The following NRG4 variants were observed in gnomAD, a reference collection of about 807,000 sequenced individuals.
NRG4 encodes the protein pro-neuregulin-4, membrane-bound isoform.
NRG4 carries 10 observed loss-of-function variants against 15.0 expected under a neutral mutation model. That is an observed-to-expected ratio of 0.67 (90% CI 0.41 to 1.13). The LOEUF is 1.13. Among genes scored for constraint, NRG4 ranks in the 50% most tolerant of loss-of-function variants. NRG4 has a pLI of 0.00. For synonymous variants in NRG4, 41 were observed against 50.1 expected (o/e 0.82, Z 0.77); for missense variants, 139 against 140.2 (o/e 0.99, Z 0.04).
At chr15:75,995,769 A>T (rs1345000903) in intron 3 of NRG4, among the ~76,000 whole-genome samples, 1 of 152,232 alleles carries the variant, frequency 6.6e-6, no homozygotes, top group Non-Finnish European at 1.5e-5. Flanking sequence ...GCATTAACAT[A>T]TCTAAAGAAA....
intron 4 of NRG4, among the ~76,000 whole-genome samples, chr15:76,047,334 G>A (rs1301402010): frequency 6.6e-6 from 1 of 150,888 alleles, no homozygotes; most frequent in Non-Finnish European, 1.5e-5. Context: ...CGTCTATACT[G>A]CAGCACTATT....
intron 3 of NRG4, chr15:75,971,089 A>G (rs578249573): frequency 1.0e-5 from 3 of 290,706 alleles, no homozygotes; most frequent in East Asian, 2.1e-4. Context: ...TTTGTCCAGT[A>G]TAATAAAACA....
chr15:76,032,156 A>G (rs1323591641), intron 5 of NRG4, among the ~76,000 whole-genome samples: 2 of 152,218 alleles, frequency 1.3e-5, no homozygotes, highest in Non-Finnish European at 2.9e-5. Flanking sequence ...GAGTGTTCAA[A>G]TATCAGTAGA....
chr15:76,023,357 C>T (rs1333192640), intron 5 of NRG4, among the ~76,000 whole-genome samples: 2 of 152,102 alleles, frequency 1.3e-5, no homozygotes, highest in Admixed American at 6.5e-5. Flanking sequence ...CACTGTCTGC[C>T]ATGCCTGGAT....
intron 3 of NRG4, among the ~76,000 whole-genome samples, chr15:76,007,721 G>A (rs771832690): frequency 6.6e-6 from 1 of 152,058 alleles, no homozygotes; most frequent in South Asian, 2.1e-4. Flanking sequence ...GAGCCACCGC[G>A]CCCAACCTAA....
intron 3 of NRG4, among the ~76,000 whole-genome samples, chr15:75,985,849 A>T (rs2033781460): frequency 6.6e-6 from 1 of 152,240 alleles, no homozygotes; most frequent in South Asian, 2.1e-4. Flanking sequence ...CAAGAAAAAA[A>T]TCACAAGACA....
chr15:76,031,538 A>G (rs951454707), intron 5 of NRG4, among the ~76,000 whole-genome samples: 3 of 152,172 alleles, frequency 2.0e-5, no homozygotes, highest in African/African-American at 4.8e-5. Context: ...AATACAAAAT[A>G]AATCAGCCAG....
chr15:75,984,387 CA>C (rs1324169027), intron 3 of NRG4, among the ~76,000 whole-genome samples: 1 of 152,008 alleles, frequency 6.6e-6, no homozygotes, highest in Non-Finnish European at 1.5e-5. Flanking sequence ...AGAACCAACC[CA>C]AATGTCCATC....
At chr15:76,015,482 C>A (rs1186622291), upstream of NRG4, among the ~76,000 whole-genome samples, 3 of 152,168 alleles carry the variant, frequency 2.0e-5, no homozygotes, top group Admixed American at 2.0e-4. Context: ...GTGGGTTTGT[C>A]ATAAATAGCT....
At chr15:76,021,980 C>G (rs74024063) in intron 5 of NRG4, among the ~76,000 whole-genome samples, 5,629 of 152,228 alleles carry the variant, frequency 0.037, 184 homozygotes, top group African/African-American at 0.085. Flanking sequence ...ATAAAGAGCA[C>G]GCAATCTGGA....
intron 5 of NRG4, among the ~76,000 whole-genome samples, chr15:76,029,365 A>C (rs1239803930): frequency 6.6e-6 from 1 of 152,180 alleles, no homozygotes; most frequent in Non-Finnish European, 1.5e-5. Flanking sequence ...GACTGGAAGA[A>C]GACAAAGATG....
chr15:76,033,705 A>C (rs1567121127), intron 5 of NRG4, among the ~76,000 whole-genome samples: 1 of 152,072 alleles, frequency 6.6e-6, no homozygotes, highest in Non-Finnish European at 1.5e-5. Flanking sequence ...AACTTTTTGT[A>C]CTCATTTTTA....
intron 3 of NRG4, among the ~76,000 whole-genome samples, chr15:75,998,211 A>T (rs1273340070): frequency 1.3e-5 from 2 of 152,224 alleles, no homozygotes; most frequent in African/African-American, 2.4e-5. Flanking sequence ...AATCTCAGTG[A>T]ACAAAAAATA....
At chr15:75,968,395 C>T (rs2032923622) in intron 3 of NRG4, among the ~76,000 whole-genome samples, 1 of 151,934 alleles carries the variant, frequency 6.6e-6, no homozygotes, top group Non-Finnish European at 1.5e-5. Flanking sequence ...CGAGACCATC[C>T]TGGCCAACGT....
At position 75,960,598 on chromosome 15, in the gene NRG4, T is replaced by A. The variant is rs555599993; in HGVS notation, c.251+1230A>T. Among the ~76,000 whole-genome samples the A allele has an allele frequency of 2.6e-5, 4 of 152,320 alleles. No individual in the cohort carries two copies. The East Asian group carries it at 5.8e-4, about 22-fold the overall frequency. ...TGGAAGTTCAGCTGGAGCTGGTTCT[T>A]CCTGCTGTTTAGGCTTCTTACAACA... is the stretch of plus-strand genomic sequence containing the variant. On this transcript the variant is annotated intron_variant, in intron 4 of 5. Transcript: ENST00000394907.
chr15:76,018,800 CA>C (rs2035064777), intron 5 of NRG4, among the ~76,000 whole-genome samples: 2 of 152,280 alleles, frequency 1.3e-5, no homozygotes, highest in African/African-American at 4.8e-5. Context: ...TCAGGAGACA[CA>C]GGGGTTAGGG....
intron 3 of NRG4, among the ~76,000 whole-genome samples, chr15:76,001,810 T>G (rs544552680): frequency 5.3e-5 from 8 of 152,206 alleles, no homozygotes; most frequent in Non-Finnish European, 1.2e-4. Flanking sequence ...TTTTGATCTT[T>G]GAAAAATGTG....
downstream of NRG4, chr15:75,938,158 A>G (rs2030564070): frequency 6.6e-6 from 1 of 152,224 alleles, no homozygotes; most frequent in South Asian, 2.1e-4. Flanking sequence ...ATTCAAGGGA[A>G]TTTATGTCAA....
intron 5 of NRG4, among the ~76,000 whole-genome samples, chr15:76,017,873 G>C (rs1404189146): frequency 6.6e-6 from 1 of 152,096 alleles, no homozygotes; most frequent in East Asian, 1.9e-4. Context: ...ATGTTGGCCT[G>C]TCTTGCTAGG....
Sources: gnomAD v4.1 joint callset for allele counts (sites outside exome capture counted in the v4.1 genomes callset) on GRCh38, gnomAD v4.1.1 for gene constraint, MANE v1.5 for transcripts, NCBI Gene and HGNC (gene_info 2026-07-23, HGNC 2026-07-21) for gene names.